Variants in UNC5B observed in about 807,000 individuals in gnomAD.
UNC5B encodes netrin receptor UNC5B.
Under a neutral mutation model 103.7 loss-of-function variants are expected in UNC5B, and 56 were observed. The observed-to-expected ratio is 0.54, with a 90% CI of 0.44 to 0.67. UNC5B has a LOEUF of 0.67. Among genes scored for constraint, UNC5B ranks in the 30% least tolerant of loss-of-function variants. The pLI is 0.00. For missense variants in UNC5B, 1,194 were observed against 1,284.5 expected (o/e 0.93, Z 1.08); for synonymous variants, 577 against 542.0 (o/e 1.06, Z -0.90).
intron 1 of UNC5B, among the ~76,000 whole-genome samples, chr10:71,278,449 C>T (rs1216392079): frequency 6.6e-6 from 1 of 152,168 alleles, no homozygotes; most frequent in Non-Finnish European, 1.5e-5. Flanking sequence ...TTGTTAGCTA[C>T]CCCACCCCCA....
intron 6 of UNC5B, 47 bp downstream of exon 6, chr10:71,287,812 C>T (rs1163872231): frequency 1.3e-6 from 2 of 1,582,976 alleles, no homozygotes; most frequent in Non-Finnish European, 1.7e-6. Flanking sequence ...CCCTGTCCCA[C>T]CTTCTGTTTT....
chr10:71,284,349 G>C (rs1845007777), intron 2 of UNC5B, among the ~76,000 whole-genome samples: 1 of 152,150 alleles, frequency 6.6e-6, no homozygotes, highest in Non-Finnish European at 1.5e-5. Flanking sequence ...CAGTGGGATG[G>C]GGATGGTGGA....
At chr10:71,226,549 G>A (rs562508484) in intron 1 of UNC5B, among the ~76,000 whole-genome samples, 1 of 152,332 alleles carries the variant, frequency 6.6e-6, no homozygotes, top group East Asian at 1.9e-4. Flanking sequence ...AGTGAAGTGG[G>A]AATCATGAAG....
chr10:71,286,783 G>T lies in UNC5B; in HGVS notation c.647G>T (p.Arg216Leu). Residue 216 changes from arginine to leucine, a missense_variant, in exon 5 of 17, where the codon CGC (arginine) becomes CTC (leucine). By Grantham distance (102) the Arg-to-Leu change is moderately radical (BLOSUM62 -2). Coordinates refer to ENST00000335350, the MANE Select transcript of UNC5B (RefSeq NM_170744.5). ...IDHNLIIRQA[R>L]LSDTANYTCV... ...CACAACCTCATCATCCGCCAGGCCCGCCTGTCGGACACTGCCAACTATACC... is the reference window on the plus strand; with the variant it reads ...CACAACCTCATCATCCGCCAGGCCCTCCTGTCGGACACTGCCAACTATACC... 2.5e-6 allele frequency: 4 copies of T among 1,614,180 alleles called. No individual in the cohort carries two copies. The highest frequency in any genetic ancestry group is 3.4e-6 in the Non-Finnish European group (4 of 1,180,044).
intron 1 of UNC5B, among the ~76,000 whole-genome samples, chr10:71,254,524 C>G (rs1205618847): frequency 6.6e-6 from 1 of 152,236 alleles, no homozygotes; most frequent in African/African-American, 2.4e-5. Context: ...GGGAAGTCGG[C>G]TTACTGTCTC....
At chr10:71,295,138 G>A (rs1365525467) in intron 13 of UNC5B, among the ~76,000 whole-genome samples, 1 of 152,208 alleles carries the variant, frequency 6.6e-6, no homozygotes, top group East Asian at 1.9e-4. Context: ...CATGGGAGAA[G>A]GAGTGTCCCC....
intron 4 of UNC5B, 152 bp from the exon 5 acceptor site, chr10:71,286,537 C>A: frequency 2.0e-6 from 2 of 1,007,520 alleles, no homozygotes; most frequent in Non-Finnish European, 1.5e-6. Flanking sequence ...TGCTCTTAAC[C>A]CCAGAGCTGT....
intron 1 of UNC5B, among the ~76,000 whole-genome samples, chr10:71,233,618 C>T (rs1843723200): frequency 6.6e-6 from 1 of 152,228 alleles, no homozygotes. Context: ...CAGCCTGCAT[C>T]TCCCTCTCCC....
chr10:71,246,585 G>A (rs149356383), intron 1 of UNC5B, among the ~76,000 whole-genome samples: 11 of 152,170 alleles, frequency 7.2e-5, no homozygotes, highest in African/African-American at 2.4e-4. Flanking sequence ...AAGGAAGAAG[G>A]GAGGGAAGTG....
At chr10:71,242,131 G>A (rs60795171) in intron 1 of UNC5B, among the ~76,000 whole-genome samples, 1 of 152,154 alleles carries the variant, frequency 6.6e-6, no homozygotes, top group Non-Finnish European at 1.5e-5. Flanking sequence ...GAGGACATGG[G>A]GGGGCGTGGC....
At chr10:71,283,845 G>T (rs1376371025) in intron 2 of UNC5B, among the ~76,000 whole-genome samples, 1 of 152,158 alleles carries the variant, frequency 6.6e-6, no homozygotes, top group Non-Finnish European at 1.5e-5. Context: ...GGGGCTCCCT[G>T]GGAGAGGGAC....
At chr10:71,214,695 A>T (rs1427692686) in intron 1 of UNC5B, among the ~76,000 whole-genome samples, 1 of 152,064 alleles carries the variant, frequency 6.6e-6, no homozygotes, top group East Asian at 1.9e-4. Context: ...TACTTAGGTT[A>T]CCAGGAATGA....
At chr10:71,271,268 A>G (rs1414612892) in intron 1 of UNC5B, among the ~76,000 whole-genome samples, 1 of 152,186 alleles carries the variant, frequency 6.6e-6, no homozygotes, top group Non-Finnish European at 1.5e-5. Context: ...TGTAAAATGG[A>G]ACAGCTTCGC....
chr10:71,282,462 C>A (rs182980205), intron 2 of UNC5B, among the ~76,000 whole-genome samples: 1 of 152,274 alleles, frequency 6.6e-6, no homozygotes, highest in African/African-American at 2.4e-5. Flanking sequence ...ACGCCTCCTC[C>A]CTGGTGGTTG....
At chr10:71,264,259 A>G (rs1278716883) in intron 1 of UNC5B, among the ~76,000 whole-genome samples, 2 of 152,248 alleles carry the variant, frequency 1.3e-5, no homozygotes, top group Non-Finnish European at 1.5e-5. Flanking sequence ...TGTAGAAGAT[A>G]TAGGTATTAG....
At chr10:71,277,585 T>C (rs1273515250) in intron 1 of UNC5B, among the ~76,000 whole-genome samples, 2 of 152,218 alleles carry the variant, frequency 1.3e-5, no homozygotes, top group Non-Finnish European at 2.9e-5. Context: ...CTCAGGCCAC[T>C]GAAAGCCAAT....
At chr10:71,244,569 C>G (rs910649588) in intron 1 of UNC5B, among the ~76,000 whole-genome samples, 8 of 152,190 alleles carry the variant, frequency 5.3e-5, no homozygotes, top group Admixed American at 2.6e-4. Context: ...TACTCAGGCC[C>G]CTGCTTCTTT....
At position 71,213,553 on chromosome 10, in the gene UNC5B, G is replaced by T. The variant is rs1169953862; in HGVS notation, c.79+489G>T. On this transcript the variant is annotated intron_variant, in intron 1 of 16. Transcript: ENST00000335350. This position sits in a 1 kb window ranked among gnomAD's most constrained non-coding sequence, Gnocchi z 4.1. ...CTAGAGGGAGAGAGCGAAAAGACCTGCTGAACACAGGAAGCGCTTCGGTAG... is the reference window on the plus strand; with the variant it reads ...CTAGAGGGAGAGAGCGAAAAGACCTTCTGAACACAGGAAGCGCTTCGGTAG... Among the ~76,000 whole-genome samples the T allele has an allele frequency of 6.6e-6, 1 of 152,146 alleles. No homozygotes were observed. Among genetic ancestry groups the T allele is most frequent in the African/African-American group, 2.4e-5 (1 of 41,438 alleles).
intron 1 of UNC5B, among the ~76,000 whole-genome samples, chr10:71,230,839 C>T (rs995603058): frequency 6.6e-6 from 1 of 152,238 alleles, no homozygotes. Context: ...ACCTTCCCAC[C>T]ACTCAAGCTC....
Sources: allele counts gnomAD v4.1 joint callset (sites outside exome capture counted in the v4.1 genomes callset), GRCh38; gene constraint gnomAD v4.1.1; non-coding constraint Gnocchi (gnomAD v3.1); transcripts MANE v1.5; gene names NCBI Gene and HGNC (gene_info 2026-07-23, HGNC 2026-07-21).